Variants in NRXN3 observed in about 807,000 individuals in gnomAD.
The protein encoded by NRXN3 is neurexin 3.
In NRXN3, 32 loss-of-function variants were observed where a neutral mutation model predicts 137.6. That is an observed-to-expected ratio of 0.23 (90% CI 0.18 to 0.31). The LOEUF (loss-of-function observed/expected upper bound fraction) is 0.31, where lower values mean the gene tolerates loss of function less well. NRXN3 is among the 10% of genes least tolerant of loss of function. The pLI is 1.00. For synonymous variants in NRXN3, 798 were observed against 784.5 expected, an observed-to-expected ratio of 1.02 and a Z score of -0.29; for missense variants, 1,574 against 2,062.5, an observed-to-expected ratio of 0.76 and a Z score of 4.59.
intron 15 of NRXN3, among the ~76,000 whole-genome samples, chr14:79,172,857 C>A (rs1318488249): frequency 6.6e-6 from 1 of 152,074 alleles, no homozygotes. Flanking sequence ...ATGTATGAAC[C>A]TGGCATGAAA....
chr14:78,431,214 A>G (rs1423945259), intron 4 of NRXN3, among the ~76,000 whole-genome samples: 1 of 152,212 alleles, frequency 6.6e-6, no homozygotes, highest in Non-Finnish European at 1.5e-5. Flanking sequence ...GAGATTCTGC[A>G]TTCATTTAGT....
At chr14:78,858,931 T>C (rs1203944379) in intron 10 of NRXN3, among the ~76,000 whole-genome samples, 3 of 152,198 alleles carry the variant, frequency 2.0e-5, no homozygotes, top group Non-Finnish European at 4.4e-5. Context: ...CCTACATTTT[T>C]CACAGGCAGT....
rs779795121 is a variant in NRXN3, at chr14:78,634,128, G to C, written c.758-10992G>C. Reference sequence around the variant, plus strand: ...AGACTCCAGCCTTGTTTGACTCTCTGTGTCTGCTGTGGAACTACCCCATCA... The same window carrying C: ...AGACTCCAGCCTTGTTTGACTCTCTCTGTCTGCTGTGGAACTACCCCATCA... On this transcript the variant is annotated intron_variant, in intron 4 of 20. Coordinates refer to ENST00000335750, the MANE Select transcript of NRXN3 (RefSeq NM_001330195.2). Among the ~76,000 whole-genome samples the C allele has an allele frequency of 1.1e-3, 170 of 152,230 alleles. 2 individuals carry two copies. Among genetic ancestry groups the C allele is most frequent in the Admixed American group, 3.4e-3 (52 of 15,292 alleles).
chr14:79,229,638 G>A (rs531656327), intron 15 of NRXN3, among the ~76,000 whole-genome samples: 1 of 152,134 alleles, frequency 6.6e-6, no homozygotes, highest in Non-Finnish European at 1.5e-5. Context: ...TGGCGAAAAC[G>A]AACTCCTGGG....
chr14:78,679,828 T>G (rs1044707074), intron 6 of NRXN3, among the ~76,000 whole-genome samples: 3 of 152,184 alleles, frequency 2.0e-5, no homozygotes, highest in Non-Finnish European at 4.4e-5. Flanking sequence ...GTGTTGGAGA[T>G]AAAATGATGA....
At chr14:78,636,929 G>A (rs1438602539) in intron 4 of NRXN3, among the ~76,000 whole-genome samples, 4 of 151,876 alleles carry the variant, frequency 2.6e-5, no homozygotes, top group Non-Finnish European at 4.4e-5. Context: ...CAGTACAATT[G>A]TGTGCAGTAC....
chr14:79,847,816 C>A (rs1429186741), intron 20 of NRXN3, among the ~76,000 whole-genome samples: 1 of 151,462 alleles, frequency 6.6e-6, no homozygotes, highest in East Asian at 1.9e-4. Flanking sequence ...TCCTTTCTCC[C>A]AACGTGTTGA....
chr14:79,045,220 G>A (rs539895803), intron 15 of NRXN3, among the ~76,000 whole-genome samples: 9 of 152,066 alleles, frequency 5.9e-5, no homozygotes, highest in Admixed American at 2.0e-4. Context: ...TTTTTCTGGC[G>A]CTACCCACAC....
At chr14:78,815,478 TC>T (rs2098929277) in intron 10 of NRXN3, among the ~76,000 whole-genome samples, 4 of 111,616 alleles carry the variant, frequency 3.6e-5, no homozygotes, top group Admixed American at 1.1e-4. Flanking sequence ...TTTGTTTCTT[TC>T]TTTTTTTTTT....
intron 1 of NRXN3, among the ~76,000 whole-genome samples, chr14:78,183,056 C>T (rs1330315435): frequency 6.6e-6 from 1 of 152,130 alleles, no homozygotes; most frequent in East Asian, 1.9e-4. Context: ...GGATCCCCCA[C>T]AGTCCATTGG....
In NRXN3 at chr14:78,343,279, A is replaced by T. The variant is rs996146597; in HGVS notation, c.757+45419A>T. Among the ~76,000 whole-genome samples, 8 of 152,308 alleles carry T rather than the reference A, an allele frequency of 5.3e-5. No homozygotes were observed. In the East Asian group the frequency reaches 1.5e-3, roughly 29 times the overall value. On this transcript the variant is annotated intron_variant, in intron 4 of 20. Transcript: ENST00000335750. ...CTTTGTTTCCTCTTCTCTAATATGG[A>T]ATATCATAATCTCACAGTTCTATCT...
chr14:79,211,241 G>T (rs988175042), intron 15 of NRXN3, among the ~76,000 whole-genome samples: 33 of 152,056 alleles, frequency 2.2e-4, no homozygotes, highest in African/African-American at 7.7e-4. Context: ...GTACTTCTCT[G>T]TATTGTCATT....
chr14:79,687,198 C>T (rs1170744076), intron 17 of NRXN3, among the ~76,000 whole-genome samples: 2 of 152,218 alleles, frequency 1.3e-5, no homozygotes, highest in Middle Eastern at 3.4e-3. Context: ...TTTATAAATA[C>T]AAGATATTAG....
chr14:79,195,816 G>A (rs932674736), intron 15 of NRXN3, among the ~76,000 whole-genome samples: 2 of 152,226 alleles, frequency 1.3e-5, no homozygotes, highest in African/African-American at 4.8e-5. Flanking sequence ...TTACTATGGA[G>A]ATCCCTAGTG....
chr14:79,161,821 G>A (rs1231085370), intron 15 of NRXN3, among the ~76,000 whole-genome samples: 1 of 151,890 alleles, frequency 6.6e-6, no homozygotes, highest in African/African-American at 2.4e-5. Context: ...GATAGACACA[G>A]GGTGCAAAGG....
intron 15 of NRXN3, among the ~76,000 whole-genome samples, chr14:79,054,135 G>A (rs2099648967): frequency 8.1e-6 from 1 of 123,934 alleles, no homozygotes; most frequent in Non-Finnish European, 1.6e-5. Flanking sequence ...ACAGGAAGGG[G>A]AACATCACAC....
intron 4 of NRXN3, among the ~76,000 whole-genome samples, chr14:78,489,470 G>A (rs1245718132): frequency 6.6e-6 from 1 of 152,054 alleles, no homozygotes; most frequent in Non-Finnish European, 1.5e-5. Flanking sequence ...TATGTTGTAT[G>A]CAGCTAGGGA....
At chr14:78,648,201 T>A (rs897272909) in intron 5 of NRXN3, among the ~76,000 whole-genome samples, 1 of 152,224 alleles carries the variant, frequency 6.6e-6, no homozygotes, top group Non-Finnish European at 1.5e-5. Flanking sequence ...AGTGAGGAAT[T>A]TGTGTGTTTG....
At chr14:79,153,109 G>A (rs2059950436) in intron 15 of NRXN3, among the ~76,000 whole-genome samples, 1 of 151,954 alleles carries the variant, frequency 6.6e-6, no homozygotes, top group Admixed American at 6.6e-5. Context: ...GGTGGAGAAT[G>A]AGCTTCCAAG....
Sources: allele counts gnomAD v4.1 joint callset (sites outside exome capture counted in the v4.1 genomes callset), GRCh38; gene constraint gnomAD v4.1.1; transcripts MANE v1.5; gene names NCBI Gene and HGNC (gene_info 2026-07-23, HGNC 2026-07-21).